The following RPAP2 variants were observed in gnomAD, a reference collection of about 807,000 sequenced individuals.
The protein encoded by RPAP2 is RNA polymerase II associated protein 2.
A neutral mutation model predicts 73.1 loss-of-function variants in RPAP2; 52 were observed. The ratio of observed to expected loss-of-function variants is 0.71; its 90% CI spans 0.57 to 0.90. The LOEUF is 0.90. RPAP2 is among the 40% of genes least tolerant of loss of function. The pLI is 0.00. For synonymous variants in RPAP2, 225 were observed against 242.1 expected (o/e 0.93, Z 0.65); for missense variants, 598 against 701.8 (o/e 0.85, Z 1.67).
intron 7 of RPAP2, 75 bp downstream of exon 7, chr1:92,320,709 T>C (rs1214235457): frequency 6.6e-6 from 8 of 1,211,178 alleles, no homozygotes; most frequent in Non-Finnish European, 1.2e-6. Flanking sequence ...CCAGGTGATA[T>C]GAGCTCTTGG....
intron 6 of RPAP2, among the ~76,000 whole-genome samples, chr1:92,307,881 C>T (rs577936285): frequency 6.6e-6 from 1 of 152,016 alleles, no homozygotes; most frequent in East Asian, 1.9e-4. Flanking sequence ...AACAAGTTAT[C>T]CTTATGGTAA....
At position 92,391,946 on chromosome 1, in the gene RPAP2, C is replaced by A. The variant is rs543954584; in HGVS notation, c.*4935C>A. The A allele has an allele frequency of 6.6e-6, 1 of 152,100 alleles. No individual in the cohort carries two copies. Among genetic ancestry groups the A allele is most frequent in the Admixed American group, 6.6e-5 (1 of 15,262 alleles). The allele number at this position is 152,100 out of a possible 1,614,324, so 9.4% of individuals were successfully genotyped here. ...CAGACGGATTCACAGCCAAATTCTA[C>A]GAAAGGTACAAAGAGGTGCTGGTAC... On this transcript the variant is annotated 3_prime_UTR_variant, in exon 13 of 13. Coordinates refer to ENST00000610020, the MANE Select transcript of RPAP2 (RefSeq NM_024813.3).
At chr1:92,367,511 T>G (rs1296654730) in intron 11 of RPAP2, among the ~76,000 whole-genome samples, 1 of 152,236 alleles carries the variant, frequency 6.6e-6, no homozygotes, top group Non-Finnish European at 1.5e-5. Context: ...CCCTAACTTC[T>G]GAAGGGTGAG....
At chr1:92,317,681 G>T (rs911125886) in intron 6 of RPAP2, among the ~76,000 whole-genome samples, 1 of 152,108 alleles carries the variant, frequency 6.6e-6, no homozygotes, top group African/African-American at 2.4e-5. Context: ...ACCTAAAAAT[G>T]TATTAAACGG....
chr1:92,335,037 T>G (rs966035760), intron 9 of RPAP2, among the ~76,000 whole-genome samples: 1 of 152,044 alleles, frequency 6.6e-6, no homozygotes, highest in African/African-American at 2.4e-5. Flanking sequence ...GGGCTACTAC[T>G]CAGGAGGCTG....
rs916463163 is a variant in RPAP2, at chr1:92,380,887, T to A, written c.1838+14T>A. On this transcript the variant is annotated intron_variant, in intron 12 of 12. Transcript: ENST00000610020. ...TTTACCAGAGTGGTAAGTTGGATTG[T>A]GTTTTATTTTGGTTTTTATTCTTCA... is the stretch of plus-strand genomic sequence containing the variant. 1.9e-6 allele frequency: 3 copies of A among 1,541,024 alleles called. No individual in the cohort carries two copies. The highest frequency in any genetic ancestry group is 1.7e-6 in the Non-Finnish European group (2 of 1,153,098).
At chr1:92,317,196 C>T (rs1056655742) in intron 6 of RPAP2, among the ~76,000 whole-genome samples, 3 of 152,082 alleles carry the variant, frequency 2.0e-5, no homozygotes, top group Non-Finnish European at 4.4e-5. Context: ...CTCAAAACTT[C>T]GGTTTCCTCA....
chr1:92,349,785 A>G (rs797006258), intron 11 of RPAP2, among the ~76,000 whole-genome samples: 4 of 152,286 alleles, frequency 2.6e-5, no homozygotes, highest in African/African-American at 9.6e-5. Context: ...AACATTAGCC[A>G]GGCACAGTGG....
intron 3 of RPAP2, among the ~76,000 whole-genome samples, chr1:92,303,214 C>T (rs1051055214): frequency 2.0e-5 from 3 of 152,044 alleles, no homozygotes; most frequent in African/African-American, 7.2e-5. Flanking sequence ...ATGAACATGA[C>T]AATTCATATT....
Position 92,387,817 on chromosome 1 carries a change from A to C in RPAP2, c.*806A>C, listed in dbSNP as rs1314591377. On this transcript the variant is annotated 3_prime_UTR_variant, in exon 13 of 13. Coordinates refer to ENST00000610020, the MANE Select transcript of RPAP2 (RefSeq NM_024813.3). Reference sequence around the variant, plus strand: ...AATTTCTCTTCTTGGCTCCACCAGTAATTAGCTCTGTGGCCCAGTCACCTA... The same window carrying C: ...AATTTCTCTTCTTGGCTCCACCAGTCATTAGCTCTGTGGCCCAGTCACCTA... The C allele has an allele frequency of 1.3e-5, 2 of 152,170 alleles. No individual in the cohort carries two copies. The highest frequency in any genetic ancestry group is 4.8e-5 in the African/African-American group (2 of 41,444). 9.4% of individuals were successfully genotyped at this position (152,170 alleles called of 1,614,324 possible).
chr1:92,324,152 A>G lies in RPAP2; in HGVS notation c.1232A>G (p.Asp411Gly). 6.2e-7 allele frequency: 1 copy of G among 1,614,144 alleles called. No homozygotes were observed. Among genetic ancestry groups the G allele is most frequent in the Non-Finnish European group, 8.5e-7 (1 of 1,179,976 alleles). The change falls in exon 8 of 13, where the codon GAC becomes GGC. Residue 411 changes from aspartate to glycine, a missense_variant. Physicochemically the swap from Asp to Gly is moderately conservative, Grantham distance 94. Transcript: ENST00000610020. ...GTTAAAGAAGAACTTGATGAAGATG[A>G]CATAATCTCAGATCCAGATAGTCAT... Reference protein sequence around the residue: ...SLVKEELDEDDIISDPDSHFP... With the variant: ...SLVKEELDEDGIISDPDSHFP...
At chr1:92,321,078 C>T (rs1430033986) in intron 7 of RPAP2, among the ~76,000 whole-genome samples, 1 of 152,146 alleles carries the variant, frequency 6.6e-6, no homozygotes, top group Non-Finnish European at 1.5e-5. Context: ...CTAAACTTTC[C>T]TCATGGTATT....
chr1:92,326,447 G>A (rs1652633108), intron 8 of RPAP2, among the ~76,000 whole-genome samples: 1 of 152,172 alleles, frequency 6.6e-6, no homozygotes, highest in Admixed American at 6.5e-5. Flanking sequence ...CCTCCTGCCA[G>A]AAGGTGGCAC....
At chr1:92,361,547 A>G (rs1026243778) in intron 11 of RPAP2, among the ~76,000 whole-genome samples, 13 of 152,218 alleles carry the variant, frequency 8.5e-5, no homozygotes, top group African/African-American at 2.9e-4. Context: ...AAAGACTTTC[A>G]TTATAGAGAT....
chr1:92,382,136 A>G (rs1655668825), intron 12 of RPAP2, among the ~76,000 whole-genome samples: 4 of 152,056 alleles, frequency 2.6e-5, no homozygotes, highest in East Asian at 1.9e-4. Context: ...TCCATGGTGT[A>G]TATGTGCCAC....
intron 10 of RPAP2, among the ~76,000 whole-genome samples, chr1:92,340,949 T>A (rs1653558787): frequency 6.6e-6 from 1 of 152,210 alleles, no homozygotes; most frequent in African/African-American, 2.4e-5. Flanking sequence ...ATTTAATCAG[T>A]GATGAATCAA....
In RPAP2 at chr1:92,391,878, G is replaced by A. The variant is rs887918461; in HGVS notation, c.*4867G>A. On this transcript the variant is annotated 3_prime_UTR_variant, in exon 13 of 13. Coordinates refer to ENST00000610020, the MANE Select transcript of RPAP2 (RefSeq NM_024813.3). ...TAAACCAGTAACAGGTTCTGAAATT[G>A]AGGCAATAATTAATAGCCTACCAAC... 29 of 152,312 alleles carry A rather than the reference G, an allele frequency of 1.9e-4. No homozygotes were observed. The highest frequency in any genetic ancestry group is 7.0e-4 in the African/African-American group (29 of 41,550). 9.4% of individuals were successfully genotyped at this position (152,312 alleles called of 1,614,324 possible).
chr1:92,371,889 C>CAAAAA (rs1164408246), intron 11 of RPAP2, among the ~76,000 whole-genome samples: 1 of 92,130 alleles, frequency 1.1e-5, no homozygotes, highest in Non-Finnish European at 2.2e-5. Context: ...GACCCTGTCT[C>CAAAAA]AAAAAAAAAA....
intron 11 of RPAP2, among the ~76,000 whole-genome samples, chr1:92,356,884 T>TA (rs1654494178): frequency 6.6e-6 from 1 of 151,632 alleles, no homozygotes; most frequent in Non-Finnish European, 1.5e-5. Flanking sequence ...CCAACATGGT[T>TA]AAAGTATGTC....
Sources: allele counts gnomAD v4.1 joint callset (sites outside exome capture counted in the v4.1 genomes callset), GRCh38; gene constraint gnomAD v4.1.1; transcripts MANE v1.5; gene names NCBI Gene and HGNC (gene_info 2026-07-23, HGNC 2026-07-21).